TENM4: variants seen among roughly 807,000 people sequenced by gnomAD.
TENM4 encodes the protein teneurin transmembrane protein 4.
Under a neutral mutation model 243.3 loss-of-function variants are expected in TENM4, and 82 were observed. That is an observed-to-expected ratio of 0.34 (90% CI 0.28 to 0.40). The LOEUF is 0.40. Ranked by LOEUF, TENM4 falls within the 10% of genes least tolerant of loss-of-function variation. The probability of loss-of-function intolerance (pLI) is 1.00; values close to 1 mark genes in which losing one functional copy is unlikely to be tolerated. For synonymous variants in TENM4, 1,412 were observed against 1,456.3 expected (o/e 0.97, Z 0.69); for missense variants, 3,138 against 3,673.3 (o/e 0.85, Z 3.77).
At chr11:78,991,716 A>G (rs1386413210) in intron 6 of TENM4, among the ~76,000 whole-genome samples, 2 of 152,114 alleles carry the variant, frequency 1.3e-5, no homozygotes, top group Non-Finnish European at 2.9e-5. Flanking sequence ...CCTGGAAGCA[A>G]TTTCTCCCTT....
intron 9 of TENM4, among the ~76,000 whole-genome samples, chr11:78,876,076 C>G (rs1002181845): frequency 1.3e-5 from 2 of 152,168 alleles, no homozygotes; most frequent in South Asian, 4.1e-4. Flanking sequence ...CTAGGTCCAG[C>G]GCTACTACTT....
chr11:78,847,808 C>T (rs998899483), intron 12 of TENM4, among the ~76,000 whole-genome samples: 2 of 152,202 alleles, frequency 1.3e-5, no homozygotes, highest in African/African-American at 4.8e-5. Flanking sequence ...CCAAAAATCA[C>T]TCCTCAATCA....
intron 11 of TENM4, among the ~76,000 whole-genome samples, chr11:78,854,578 T>G (rs965278017): frequency 9.6e-6 from 1 of 104,678 alleles, no homozygotes. Context: ...TAGTTCTTTT[T>G]GTACTGGTGG....
intron 9 of TENM4, among the ~76,000 whole-genome samples, chr11:78,885,693 G>A (rs1051461877): frequency 3.3e-4 from 51 of 152,346 alleles, no homozygotes; most frequent in African/African-American, 1.2e-3. Context: ...GCTGAGGCAG[G>A]AAGATCATTT....
chr11:78,700,345 C>A (rs1472149733), intron 28 of TENM4, among the ~76,000 whole-genome samples: 5 of 152,258 alleles, frequency 3.3e-5, no homozygotes, highest in Admixed American at 2.6e-4. Context: ...GGCAAAGGAG[C>A]CTTCAGAGCC....
chr11:79,187,523 C>T (rs567582144), intron 3 of TENM4, among the ~76,000 whole-genome samples: 2 of 152,262 alleles, frequency 1.3e-5, no homozygotes, highest in African/African-American at 4.8e-5. Flanking sequence ...TTATTCTCAC[C>T]CTCCTCCCAT....
intron 6 of TENM4, among the ~76,000 whole-genome samples, chr11:78,974,801 C>T (rs1369472485): frequency 2.6e-5 from 4 of 151,210 alleles, no homozygotes; most frequent in African/African-American, 4.9e-5. Context: ...ATTCCTGTGC[C>T]TCAGCCACCC....
intron 12 of TENM4, among the ~76,000 whole-genome samples, chr11:78,838,627 C>A (rs1858177637): frequency 6.6e-6 from 1 of 151,980 alleles, no homozygotes; most frequent in African/African-American, 2.4e-5. Flanking sequence ...CTCTAGGGGG[C>A]AGGCAGGTAA....
At chr11:78,996,325 G>A (rs1858171125) in intron 6 of TENM4, among the ~76,000 whole-genome samples, 1 of 152,112 alleles carries the variant, frequency 6.6e-6, no homozygotes, top group Non-Finnish European at 1.5e-5. Flanking sequence ...AGCTAGTTAA[G>A]TGGAAAAACC....
chr11:79,203,032 C>T (rs935447387), intron 3 of TENM4, among the ~76,000 whole-genome samples: 1 of 152,082 alleles, frequency 6.6e-6, no homozygotes, highest in Non-Finnish European at 1.5e-5. Context: ...AATTATGATA[C>T]TGCAGCTAGT....
chr11:78,879,315 C>T (rs1214743752), intron 9 of TENM4, among the ~76,000 whole-genome samples: 13 of 139,994 alleles, frequency 9.3e-5, no homozygotes, highest in East Asian at 2.2e-4. Flanking sequence ...AGCCGCCACC[C>T]GATCTGGGAT....
intron 28 of TENM4, among the ~76,000 whole-genome samples, chr11:78,697,437 A>G (rs1478752730): frequency 6.6e-6 from 1 of 152,160 alleles, no homozygotes; most frequent in Non-Finnish European, 1.5e-5. Context: ...GGCATGATGC[A>G]CTTTCCAGCT....
At chr11:79,237,968 C>T (rs1369010130) in intron 2 of TENM4, among the ~76,000 whole-genome samples, 1 of 152,166 alleles carries the variant, frequency 6.6e-6, no homozygotes, top group Non-Finnish European at 1.5e-5. Flanking sequence ...AAAAGCCCAA[C>T]ACTTCCTCGC....
intron 6 of TENM4, among the ~76,000 whole-genome samples, chr11:78,935,599 G>T (rs1233219931): frequency 2.0e-5 from 3 of 152,152 alleles, no homozygotes; most frequent in Non-Finnish European, 4.4e-5. Context: ...GACCTAATGA[G>T]CTTGGGTAAC....
intron 1 of TENM4, among the ~76,000 whole-genome samples, chr11:79,375,471 TC>T (rs1251390435): frequency 6.6e-6 from 1 of 152,208 alleles, no homozygotes; most frequent in African/African-American, 2.4e-5. Context: ...AATAAACTTT[TC>T]TAATTTAAAA....
intron 3 of TENM4, among the ~76,000 whole-genome samples, chr11:79,215,052 AGTAG>A (rs1203982713): frequency 6.6e-6 from 1 of 152,212 alleles, no homozygotes; most frequent in Non-Finnish European, 1.5e-5. Flanking sequence ...CTTGGTACCT[AGTAG>A]GTTCACAGTG....
intron 6 of TENM4, among the ~76,000 whole-genome samples, chr11:78,913,580 G>GGTGT (rs1403545697): frequency 1.6e-5 from 2 of 126,350 alleles, no homozygotes; most frequent in African/African-American, 5.9e-5. Flanking sequence ...ATGGGTAAGA[G>GGTGT]GTATGTGTGT....
chr11:78,878,557 C>A (rs1241178125), intron 9 of TENM4, among the ~76,000 whole-genome samples: 2 of 152,206 alleles, frequency 1.3e-5, no homozygotes, highest in South Asian at 4.1e-4. Flanking sequence ...CAGCTCTCTT[C>A]AGGAATCCTT....
At chr11:79,273,688 A>G (rs1280694530) in intron 2 of TENM4, among the ~76,000 whole-genome samples, 1 of 152,136 alleles carries the variant, frequency 6.6e-6, no homozygotes, top group Non-Finnish European at 1.5e-5. Context: ...TGCCTCCACA[A>G]AACCCAGTTT....
Sources: allele counts gnomAD v4.1 joint callset (sites outside exome capture counted in the v4.1 genomes callset), GRCh38; gene constraint gnomAD v4.1.1; transcripts MANE v1.5; gene names NCBI Gene and HGNC (gene_info 2026-07-23, HGNC 2026-07-21).